BUD31: variants seen among roughly 807,000 people sequenced by gnomAD.
BUD31 encodes the protein protein BUD31 homolog.
A neutral mutation model predicts 17.9 loss-of-function variants in BUD31; 9 were observed. That is an observed-to-expected ratio of 0.50 (90% confidence interval 0.30 to 0.88). The LOEUF is 0.88. Ranked by LOEUF, BUD31 falls within the 40% of genes least tolerant of loss-of-function variation. The probability of loss-of-function intolerance (pLI) is 0.06; values close to 1 mark genes in which losing one functional copy is unlikely to be tolerated. For synonymous variants in BUD31, 70 were observed against 64.7 expected (o/e 1.08, Z -0.39); for missense variants, 148 against 184.5 (o/e 0.80, Z 1.15).
At chr7:99,416,406 G>A (rs1795463348) in intron 4 of BUD31, 146 bp downstream of exon 4, 2 of 1,029,908 alleles carry the variant, frequency 1.9e-6, no homozygotes, top group African/African-American at 1.6e-5. Context: ...GCTGAGTTTT[G>A]TGTGTGTGTT....
intron 4 of BUD31, 54 bp downstream of exon 4, chr7:99,416,314 T>G (rs974896314): frequency 1.9e-6 from 3 of 1,582,850 alleles, no homozygotes; most frequent in African/African-American, 1.3e-5. Context: ...TTGGAGTTAC[T>G]GAACTAACCA....
At position 99,416,219 on chromosome 7, in the gene BUD31, A is replaced by G; in HGVS notation, c.176A>G (p.Tyr59Cys). Residue 59 changes from tyrosine (Y) to cysteine (C), a missense_variant, in exon 4 of 6, where the codon TAC (tyrosine) becomes TGC (cysteine). Tyr to Cys is a radical substitution (Grantham distance 194). Coordinates refer to ENST00000222969, the MANE Select transcript of BUD31 (RefSeq NM_003910.4). Reference protein sequence around the residue: ...IFRIHHQKTRYIFDLFYKRKA... With the variant: ...IFRIHHQKTRCIFDLFYKRKA... ...AGGATCCACCACCAGAAAACCCGCTACATCTTCGACCTCTTTTACAAGCGG... is the reference window on the plus strand; with the variant it reads ...AGGATCCACCACCAGAAAACCCGCTGCATCTTCGACCTCTTTTACAAGCGG... The G allele has an allele frequency of 6.2e-7, 1 of 1,614,068 alleles. No individual in the cohort carries two copies. The highest frequency in any genetic ancestry group is 8.5e-7 in the Non-Finnish European group (1 of 1,179,938).
At position 99,417,669 on chromosome 7, in the gene BUD31, T is replaced by C. The variant is rs111869393; in HGVS notation, c.384+74T>C. The C allele has an allele frequency of 2.2e-3, 3,422 of 1,585,040 alleles. 6 individuals carry two copies. Among genetic ancestry groups the C allele is most frequent in the Middle Eastern group, 7.9e-3 (48 of 6,048 alleles). On this transcript the variant is annotated intron_variant, in intron 5 of 5. Coordinates refer to ENST00000222969, the MANE Select transcript of BUD31 (RefSeq NM_003910.4). ...CCTTAGTCGACTGCAAGGGATCTTATGTTATTTGGTTGGGCTGGAATGTCG... is the reference window on the plus strand; with the variant it reads ...CCTTAGTCGACTGCAAGGGATCTTACGTTATTTGGTTGGGCTGGAATGTCG...
At chr7:99,410,798 A>C (rs1795152125) in intron 2 of BUD31, among the ~76,000 whole-genome samples, 2 of 152,356 alleles carry the variant, frequency 1.3e-5, no homozygotes, top group Middle Eastern at 3.4e-3. Context: ...AATTCTAATG[A>C]AGTCTTTGCA....
At chr7:99,411,768 G>C (rs1795196748) in intron 3 of BUD31, 2 of 451,288 alleles carry the variant, frequency 4.4e-6, no homozygotes, top group South Asian at 3.1e-5. Flanking sequence ...GCAGTGGCGT[G>C]ATCTCGGCTC....
chr7:99,414,300 C>T (rs961507281), intron 3 of BUD31, among the ~76,000 whole-genome samples: 6 of 151,964 alleles, frequency 3.9e-5, no homozygotes, highest in South Asian at 2.1e-4. Flanking sequence ...CTACCACGCC[C>T]GGCTAATTTT....
Position 99,412,076 on chromosome 7 carries a change from G to A in BUD31, c.94+890G>A, listed in dbSNP as rs76421244. 8.7e-3 allele frequency: 1,502 copies of A among 172,552 alleles called. 8 individuals carry two copies. The highest frequency in any genetic ancestry group is 0.013 in the Non-Finnish European group (1,045 of 78,982). The allele number at this position is 172,552 out of a possible 1,614,324, so 10.7% of individuals were successfully genotyped here. The stretch of plus-strand genomic sequence containing the variant: ...ACCTAATCATGGTTATTATGAGGTC[G>A]TACCTCCAGCAGTAATTACTAAATT... On this transcript the variant is annotated intron_variant, in intron 3 of 5. Coordinates refer to ENST00000222969, the MANE Select transcript of BUD31 (RefSeq NM_003910.4).
rs936925054 is a variant in BUD31 at position 99,419,609 on chromosome 7, T to C, written c.*168T>C. On this transcript the variant is annotated 3_prime_UTR_variant, in exon 6 of 6. Transcript: ENST00000222969. ...GATTTGTAAAAATAAAATCTTTAAA[T>C]CTCTCGAGCCCCACGTCTCTTCTTT... 1.2e-6 allele frequency: 1 copy of C among 860,922 alleles called. No homozygotes were observed. Among genetic ancestry groups the C allele is most frequent in the African/African-American group, 1.7e-5 (1 of 58,618 alleles). The allele number at this position is 860,922 out of a possible 1,614,324, so 53.3% of individuals were successfully genotyped here. A position where few individuals can be genotyped will look rare whatever the true frequency, so the allele number is the denominator to read the frequency against.
intron 1 of BUD31, among the ~76,000 whole-genome samples, chr7:99,409,605 A>G (rs78197775): frequency 1.3e-5 from 2 of 152,020 alleles, no homozygotes; most frequent in Non-Finnish European, 2.9e-5. Context: ...TTTTAGCTTC[A>G]GCGTAGGGGA....
intron 3 of BUD31, among the ~76,000 whole-genome samples, chr7:99,413,509 G>C (rs937105439): frequency 2.0e-5 from 3 of 152,236 alleles, no homozygotes; most frequent in African/African-American, 7.2e-5. Flanking sequence ...TGTGGGCCTA[G>C]AATTATCTTG....
chr7:99,416,071 C>G, intron 3 of BUD31, 67 bp from the exon 4 acceptor site: 5 of 1,584,730 alleles, frequency 3.2e-6, no homozygotes, highest in South Asian at 1.1e-5. Context: ...TCAGTAGTTA[C>G]TTACAAAAAG....
chr7:99,419,218 A>G (rs1309105946), intron 5 of BUD31, 173 bp from the exon 6 acceptor site: 3 of 648,786 alleles, frequency 4.6e-6, no homozygotes, highest in East Asian at 2.7e-5. Flanking sequence ...AGCTGGTTCT[A>G]CCTTCATGAG....
chr7:99,412,444 T>A (rs1795227311), intron 3 of BUD31, among the ~76,000 whole-genome samples: 1 of 152,140 alleles, frequency 6.6e-6, no homozygotes, highest in African/African-American at 2.4e-5. Flanking sequence ...TTGTTTTTGT[T>A]TTGAGACAAG....
intron 3 of BUD31, among the ~76,000 whole-genome samples, chr7:99,413,580 CTTTT>C (rs149367426): frequency 7.9e-5 from 12 of 151,782 alleles, no homozygotes; most frequent in African/African-American, 1.5e-4. Flanking sequence ...GGTTTTTTGG[CTTTT>C]TTTTGTTTGT....
At position 99,416,189 on chromosome 7, in the gene BUD31, T is replaced by C. The variant is rs2150931637; in HGVS notation, c.146T>C (p.Ile49Thr). The C allele has an allele frequency of 6.2e-7, 1 of 1,614,004 alleles. No individual in the cohort carries two copies. Among genetic ancestry groups the C allele is most frequent in the East Asian group, 2.2e-5 (1 of 44,878 alleles). Residue 49 changes from isoleucine to threonine, a missense_variant, in exon 4 of 6, where the codon ATC (isoleucine) becomes ACC (threonine). Coordinates refer to ENST00000222969, the MANE Select transcript of BUD31 (RefSeq NM_003910.4). ...GKRKVESLWPIFRIHHQKTRY... is the reference protein window; with the variant it reads ...GKRKVESLWPTFRIHHQKTRY... ...AGGAAAGTGGAATCTCTGTGGCCCA[T>C]CTTCAGGATCCACCACCAGAAAACC...
At chr7:99,414,887 C>T (rs553027801) in intron 3 of BUD31, among the ~76,000 whole-genome samples, 11 of 152,272 alleles carry the variant, frequency 7.2e-5, no homozygotes, top group African/African-American at 1.9e-4. Flanking sequence ...TGTGAGCCAC[C>T]GATTCCGGCC....
chr7:99,411,774 G>A (rs555277138), intron 3 of BUD31: 35 of 449,292 alleles, frequency 7.8e-5, no homozygotes, highest in African/African-American at 6.4e-4. Flanking sequence ...GCGTGATCTC[G>A]GCTCACTGCA....
intron 5 of BUD31, chr7:99,418,943 T>TG (rs1795663932): frequency 2.4e-5 from 4 of 167,868 alleles, no homozygotes; most frequent in East Asian, 3.5e-4. Context: ...CCCTTCTTTC[T>TG]GGGGGGCTCT....
In BUD31 at chr7:99,415,335, A is replaced by G. The variant is rs573942488; in HGVS notation, c.95-803A>G. ...GCCTGCCTGGCACCAAGGCAGAGAG[A>G]GAGAGACAGCTTATGCCATTATTTC... On this transcript the variant is annotated intron_variant, in intron 3 of 5. Transcript: ENST00000222969. 7.6e-4 allele frequency: 340 copies of G among 444,814 alleles called. 2 individuals carry two copies. Among genetic ancestry groups the G allele is most frequent in the African/African-American group, 6.4e-3 (317 of 49,198 alleles). 27.6% of individuals were successfully genotyped at this position (444,814 alleles called of 1,614,324 possible).
Sources: gnomAD v4.1 joint callset for allele counts (sites outside exome capture counted in the v4.1 genomes callset) on GRCh38, gnomAD v4.1.1 for gene constraint, MANE v1.5 for transcripts, NCBI Gene and HGNC (gene_info 2026-07-23, HGNC 2026-07-21) for gene names.